The following KIAA2012 variants were observed in gnomAD, a reference collection of about 807,000 sequenced individuals.
The protein encoded by KIAA2012 is KIAA2012, also known as uncharacterized protein KIAA2012.
KIAA2012 carries 125 observed loss-of-function variants against 150.6 expected under a neutral mutation model. The observed-to-expected ratio is 0.83, with a 90% CI of 0.72 to 0.96. KIAA2012 has a LOEUF of 0.96. KIAA2012 is among the 40% of genes least tolerant of loss of function. The probability of loss-of-function intolerance (pLI) is 0.00; values close to 1 mark genes in which losing one functional copy is unlikely to be tolerated. For missense variants in KIAA2012, 1,219 were observed against 1,354.9 expected (o/e 0.90, Z 1.57); for synonymous variants, 462 against 504.7 (o/e 0.92, Z 1.13).
chr2:202,111,319 A>AC (rs1294451277), intron 10 of KIAA2012, among the ~76,000 whole-genome samples: 1 of 136,780 alleles, frequency 7.3e-6, no homozygotes, highest in Non-Finnish European at 1.6e-5. Context: ...ACAAGGTGAA[A>AC]CCCCATCTCT....
intron 12 of KIAA2012, among the ~76,000 whole-genome samples, chr2:202,130,791 C>T (rs777060036): frequency 5.3e-5 from 8 of 152,102 alleles, no homozygotes; most frequent in Non-Finnish European, 8.8e-5. Context: ...GTGGCAGGCA[C>T]CTGTAGTCCC....
chr2:202,184,551 T>A (rs1018752445), intron 15 of KIAA2012, among the ~76,000 whole-genome samples: 1 of 152,162 alleles, frequency 6.6e-6, no homozygotes, highest in African/African-American at 2.4e-5. Context: ...TCCCAAAGGA[T>A]ATTTTAATAC....
chr2:202,136,668 G>A (rs1691070667), intron 12 of KIAA2012: 1 of 152,324 alleles, frequency 6.6e-6, no homozygotes, highest in African/African-American at 2.4e-5. Flanking sequence ...CGGAACCCGC[G>A]CCGGCCGACG....
intron 2 of KIAA2012, among the ~76,000 whole-genome samples, chr2:202,087,510 CAAAA>C (rs59728832): frequency 5.7e-4 from 30 of 52,520 alleles, no homozygotes; most frequent in East Asian, 4.8e-3. Flanking sequence ...GAAACCATCT[CAAAA>C]AAAAAAAAAA....
intron 13 of KIAA2012, among the ~76,000 whole-genome samples, chr2:202,143,862 G>A (rs1425065797): frequency 6.6e-6 from 1 of 152,012 alleles, no homozygotes; most frequent in African/African-American, 2.4e-5. Flanking sequence ...AGACTTTGGG[G>A]GACAATGAAT....
In KIAA2012 at chr2:202,160,905, G is replaced by A. The variant is rs866917682; in HGVS notation, c.2047-4379G>A. 2.0e-5 allele frequency among the ~76,000 whole-genome samples: 3 copies of A among 152,124 alleles called. No individual in the cohort carries two copies. In the South Asian group the frequency reaches 6.2e-4, roughly 32 times the overall value. On this transcript the variant is annotated intron_variant, in intron 14 of 23. Coordinates refer to ENST00000498697, the MANE Select transcript of KIAA2012 (RefSeq NM_001277372.4). Reference sequence around the variant, plus strand: ...AGGTCATGCAGCTGGCTCAAGACAGGCTGGAGGCCGCACTTCAGACTCCTG... The same window carrying A: ...AGGTCATGCAGCTGGCTCAAGACAGACTGGAGGCCGCACTTCAGACTCCTG...
intron 3 of KIAA2012, 23 bp from the exon 4 acceptor site, chr2:202,093,007 A>G (rs538612588): frequency 6.5e-6 from 10 of 1,538,604 alleles, no homozygotes; most frequent in Non-Finnish European, 8.8e-6. Context: ...ATTTCTATCA[A>G]TATCTCCTGA....
chr2:202,179,437 C>G, intron 15 of KIAA2012: 1 of 720,188 alleles, frequency 1.4e-6, no homozygotes, highest in Non-Finnish European at 2.6e-6. Flanking sequence ...TATTAGCAAC[C>G]GAGAAAAAAC....
In KIAA2012 at chr2:202,075,095, G is replaced by C; in HGVS notation, c.289G>C (p.Gly97Arg). The C allele has an allele frequency of 1.9e-6, 3 of 1,550,524 alleles. No individual in the cohort carries two copies. Among genetic ancestry groups the C allele is most frequent in the Non-Finnish European group, 2.6e-6 (3 of 1,146,996 alleles). The change falls in exon 2 of 24, where the codon GGT becomes CGT. Residue 97 changes from glycine to arginine, a missense_variant. By Grantham distance (125) the Gly-to-Arg change is moderately radical. Coordinates refer to ENST00000498697, the MANE Select transcript of KIAA2012 (RefSeq NM_001277372.4). ...ERRKGPYCPR[G>R]PWRKLDLELH... is the part of the protein sequence containing the mutation. ...GAGAAAAGGCCCCTACTGCCCCAGA[G>C]GTCCCTGGAGGAAGCTGGATCTTGA...
At chr2:202,102,353 T>G (rs1200038058) in intron 7 of KIAA2012, among the ~76,000 whole-genome samples, 2 of 152,196 alleles carry the variant, frequency 1.3e-5, no homozygotes, top group African/African-American at 4.8e-5. Context: ...GAGAGTCTAC[T>G]CTCAAAGAAA....
chr2:202,142,237 G>T (rs1450133663), intron 13 of KIAA2012, among the ~76,000 whole-genome samples: 3 of 152,110 alleles, frequency 2.0e-5, no homozygotes, highest in Non-Finnish European at 4.4e-5. Flanking sequence ...GGTAAAACTG[G>T]TATACTTATA....
chr2:202,181,314 G>C (rs1213486639), intron 15 of KIAA2012, among the ~76,000 whole-genome samples: 5 of 152,196 alleles, frequency 3.3e-5, no homozygotes, highest in Admixed American at 3.3e-4. Flanking sequence ...GGCAGCTTAT[G>C]CCTGTCATGT....
At chr2:202,141,811 C>G (rs1206829545) in intron 13 of KIAA2012, among the ~76,000 whole-genome samples, 1 of 152,242 alleles carries the variant, frequency 6.6e-6, no homozygotes, top group African/African-American at 2.4e-5. Flanking sequence ...TTCCTCTCCC[C>G]CAAGGCCTCT....
At chr2:202,138,563 T>C (rs1420929552) in intron 13 of KIAA2012, 55 bp downstream of exon 13, 3 of 1,342,992 alleles carry the variant, frequency 2.2e-6, no homozygotes, top group Non-Finnish European at 3.1e-6. Context: ...TCTTGGGTTC[T>C]TGTTTCAGCT....
chr2:202,080,231 C>A (rs1202983034), intron 2 of KIAA2012, among the ~76,000 whole-genome samples: 1 of 152,172 alleles, frequency 6.6e-6, no homozygotes, highest in Non-Finnish European at 1.5e-5. Context: ...ATCCATTAAG[C>A]TAACCCTTTG....
At chr2:202,112,810 ATCTT>A (rs2105929196) in intron 10 of KIAA2012, among the ~76,000 whole-genome samples, 1 of 152,276 alleles carries the variant, frequency 6.6e-6, no homozygotes, top group African/African-American at 2.4e-5. Flanking sequence ...AATACCTTCA[ATCTT>A]TCTAAGTAAC....
Position 202,138,224 on chromosome 2 carries a change from A to G in KIAA2012, c.1832-208A>G. ...ATATATGTTTGAATATAAGGTCTTA[A>G]CACTATGTTTAACATGGTGTTTAGG... On this transcript the variant is annotated intron_variant, in intron 12 of 23. Transcript: ENST00000498697. 6.3e-6 allele frequency: 3 copies of G among 477,294 alleles called. No individual in the cohort carries two copies. In the South Asian group the frequency reaches 1.0e-4, roughly 17 times the overall value. The allele number at this position is 477,294 out of a possible 1,614,324, so 29.6% of individuals were successfully genotyped here.
intron 18 of KIAA2012, among the ~76,000 whole-genome samples, chr2:202,188,664 T>A (rs1048494824): frequency 2.0e-5 from 3 of 152,154 alleles, no homozygotes; most frequent in Non-Finnish European, 2.9e-5. Context: ...ATCAAGTAGA[T>A]CAGACAGTAA....
chr2:202,132,726 A>AG (rs1431249857), intron 12 of KIAA2012, among the ~76,000 whole-genome samples: 13 of 99,670 alleles, frequency 1.3e-4, no homozygotes, highest in Non-Finnish European at 2.2e-4. Flanking sequence ...GTATATATAT[A>AG]TAGTATATAT....
Sources: allele counts gnomAD v4.1 joint callset (sites outside exome capture counted in the v4.1 genomes callset), GRCh38; gene constraint gnomAD v4.1.1; transcripts MANE v1.5; gene names NCBI Gene and HGNC (gene_info 2026-07-23, HGNC 2026-07-21).